Variants in MTMR10 observed in about 807,000 individuals in gnomAD.
MTMR10 encodes the protein myotubularin related protein 10.
In MTMR10, 56 loss-of-function variants were observed where a neutral mutation model predicts 88.1. The ratio of observed to expected loss-of-function variants is 0.64; its 90% CI spans 0.51 to 0.79. The LOEUF (loss-of-function observed/expected upper bound fraction) is 0.79, where lower values mean the gene tolerates loss of function less well. Ranked by LOEUF, MTMR10 falls within the 30% of genes least tolerant of loss-of-function variation. The probability of loss-of-function intolerance (pLI) is 0.00; values close to 1 mark genes in which losing one functional copy is unlikely to be tolerated. For synonymous variants in MTMR10, 380 were observed against 340.9 expected (o/e 1.11, Z -1.26); for missense variants, 883 against 924.7 (o/e 0.95, Z 0.58).
At chr15:30,990,742 C>T in intron 2 of MTMR10, 35 bp downstream of exon 2, 1 of 1,571,122 alleles carries the variant, frequency 6.4e-7, no homozygotes, top group Non-Finnish European at 8.7e-7. Context: ...AAATACGTTG[C>T]TAAAGTATCT....
chr15:30,973,946 T>C (rs982261396), intron 5 of MTMR10, among the ~76,000 whole-genome samples: 1 of 152,212 alleles, frequency 6.6e-6, no homozygotes, highest in Non-Finnish European at 1.5e-5. Context: ...AGTTTGTTGG[T>C]AAAGTTCTGC....
chr15:30,925,328 G>A, the MTMR10 span: 13 of 1,581,286 alleles, frequency 8.2e-6, no homozygotes, highest in African/African-American at 2.7e-5. Flanking sequence ...GGACTTAGGC[G>A]CGTGTACCTG....
At chr15:30,922,437 T>TTTACATGTTCTAA in the MTMR10 span, 12 of 1,337,992 alleles carry the variant, frequency 9.0e-6, no homozygotes, top group Non-Finnish European at 1.2e-5. Flanking sequence ...TGCCTTAAAA[T>TTTACATGTTCTAA]TTACATGTAA....
intron 7 of MTMR10, among the ~76,000 whole-genome samples, chr15:30,960,512 G>A (rs1450715211): frequency 6.6e-6 from 1 of 152,148 alleles, no homozygotes; most frequent in Non-Finnish European, 1.5e-5. Context: ...TCAACAAATA[G>A]TAGGTAAAAA....
chr15:30,973,176 C>T lies in MTMR10; in HGVS notation c.474+1138G>A, dbSNP rs186345155. Among the ~76,000 whole-genome samples, 245 of 152,240 alleles carry T rather than the reference C, an allele frequency of 1.6e-3. 2 individuals are homozygous for T. The highest frequency in any genetic ancestry group is 2.2e-3 in the Non-Finnish European group (152 of 68,020). ...AGTAAAATGCCAAAATCACAAACAG[C>T]ACAATCGAACAGGTGAAAGAGGCTT... is the stretch of plus-strand genomic sequence containing the variant. On this transcript the variant is annotated intron_variant, in intron 5 of 15. Transcript: ENST00000435680.
Position 30,991,618 on chromosome 15 carries a change from C to CCGGGCGGACTGA in MTMR10, c.-113_-112insTCAGTCCGCCCG. The CCGGGCGGACTGA allele has an allele frequency of 7.6e-7, 1 of 1,315,570 alleles. No individual in the cohort carries two copies. Among genetic ancestry groups the CCGGGCGGACTGA allele is most frequent in the Non-Finnish European group, 1.0e-6 (1 of 998,262 alleles). The allele number at this position is 1,315,570 out of a possible 1,614,324, so 81.5% of individuals were successfully genotyped here. A position where few individuals can be genotyped will look rare whatever the true frequency, so the allele number is the denominator to read the frequency against. On this transcript the variant is annotated 5_prime_UTR_variant, in exon 1 of 16. Transcript: ENST00000435680. ...CAGGCCCTTTCTGCGGCCAGCCGAG[C>CCGGGCGGACTGA]CGGGCGGACTGACGGGCGGGGATAC...
At chr15:30,937,408 CTTG>C, downstream of MTMR10, 3 of 624,190 alleles carry the variant, frequency 4.8e-6, no homozygotes, top group Non-Finnish European at 7.8e-6. Flanking sequence ...ACAGTGTTTG[CTTG>C]AATACACTCA....
At chr15:30,972,325 G>A (rs1278816783) in intron 5 of MTMR10, among the ~76,000 whole-genome samples, 1 of 152,036 alleles carries the variant, frequency 6.6e-6, no homozygotes, top group Non-Finnish European at 1.5e-5. Flanking sequence ...TTTGAAATGC[G>A]TAAATCCCAA....
At chr15:30,922,924 T>C in the MTMR10 span, among the ~76,000 whole-genome samples, 11 of 152,254 alleles carry the variant, frequency 7.2e-5, no homozygotes, top group Admixed American at 7.2e-4. Context: ...ACAGGGATTC[T>C]GTGGCCACCA....
In MTMR10 at chr15:30,990,818, G is replaced by A. The variant is rs2031266605; in HGVS notation, c.80C>T (p.Ser27Leu). 3 of 1,607,348 alleles carry A rather than the reference G, an allele frequency of 1.9e-6. No individual in the cohort carries two copies. Among genetic ancestry groups the A allele is most frequent in the African/African-American group, 1.3e-5 (1 of 74,838 alleles). ...CTCCAGTTTTTTAATCTTCGGTTCC[G>A]AATTGATCTTATCGTCAGTCTGAAA... ...PPPQTDDKIN[S>L]EPKIKKLEPV... The change falls in exon 2 of 16, where the codon TCG becomes TTG. Residue 27 changes from serine to leucine, a missense_variant. This residue lies in a region of MTMR10 where 414 missense variants were observed against 423.2 expected (regional missense o/e 0.98). Coordinates refer to ENST00000435680, the MANE Select transcript of MTMR10 (RefSeq NM_017762.3).
chr15:30,923,361 C>T, the MTMR10 span, among the ~76,000 whole-genome samples: 1 of 152,138 alleles, frequency 6.6e-6, no homozygotes, highest in Non-Finnish European at 1.5e-5. Context: ...GTTTCTGTCG[C>T]CTTTCTTTCA....
At chr15:30,961,902 T>A (rs1347431197) in intron 6 of MTMR10, among the ~76,000 whole-genome samples, 1 of 152,200 alleles carries the variant, frequency 6.6e-6, no homozygotes, top group African/African-American at 2.4e-5. Flanking sequence ...TCCATGTCAT[T>A]TGATTATTTG....
At chr15:30,962,203 T>C (rs114336920) in intron 6 of MTMR10, among the ~76,000 whole-genome samples, 1,702 of 152,338 alleles carry the variant, frequency 0.011, 22 homozygotes, top group African/African-American at 0.038. Flanking sequence ...TGCTATCTTC[T>C]GGGAGCATGC....
chr15:30,942,167 T>C, intron 15 of MTMR10, 95 bp from the exon 16 acceptor site: 1 of 1,390,496 alleles, frequency 7.2e-7, no homozygotes, highest in South Asian at 1.4e-5. Flanking sequence ...TATGAAAAAT[T>C]AATGGAATTT....
chr15:30,934,663 G>A (rs572084232), downstream of MTMR10, among the ~76,000 whole-genome samples: 10 of 152,288 alleles, frequency 6.6e-5, no homozygotes, highest in Middle Eastern at 3.4e-3. Context: ...GCAGGCATGA[G>A]CCACAGTGCC....
chr15:30,943,840 A>C (rs2063124751), intron 14 of MTMR10: 16 of 985,330 alleles, frequency 1.6e-5, no homozygotes, highest in Middle Eastern at 1.0e-3. Flanking sequence ...TATGAAGCAC[A>C]GTCACATTTA....
chr15:30,947,716 C>T (rs958235656), intron 13 of MTMR10, among the ~76,000 whole-genome samples: 2 of 152,188 alleles, frequency 1.3e-5, no homozygotes, highest in East Asian at 3.8e-4. Flanking sequence ...TTTCAGAAAA[C>T]ACTTTGGGAT....
chr15:30,929,812 T>TATAA, the MTMR10 span, among the ~76,000 whole-genome samples: 1 of 70,196 alleles, frequency 1.4e-5, no homozygotes, highest in African/African-American at 8.1e-5. Context: ...ATAAAATATA[T>TATAA]AATATATTAT....
chr15:30,956,141 T>C (rs1475298784), intron 9 of MTMR10: 1 of 152,200 alleles, frequency 6.6e-6, no homozygotes, highest in Non-Finnish European at 1.5e-5. Context: ...TATGCACCTT[T>C]ATGTGTATGG....
Sources: gnomAD v4.1 joint callset for allele counts (sites outside exome capture counted in the v4.1 genomes callset) on GRCh38, gnomAD v4.1.1 for gene constraint, gnomAD v4.1.1 regional missense constraint, MANE v1.5 for transcripts, NCBI Gene and HGNC (gene_info 2026-07-23, HGNC 2026-07-21) for gene names.